Variants in GOLGB1 observed in about 807,000 individuals in gnomAD.
The protein encoded by GOLGB1 is golgin B1, also known as golgin subfamily B member 1.
GOLGB1 carries 174 observed loss-of-function variants against 336.9 expected under a neutral mutation model. That is an observed-to-expected ratio of 0.52 (90% CI 0.46 to 0.59). The LOEUF (loss-of-function observed/expected upper bound fraction) is 0.59, where lower values mean the gene tolerates loss of function less well. GOLGB1 is among the 20% of genes least tolerant of loss of function. The pLI is 0.00. For missense variants in GOLGB1, 3,331 were observed against 3,645.3 expected, an observed-to-expected ratio of 0.91 and a Z score of 2.22; for synonymous variants, 1,208 against 1,289.2, an observed-to-expected ratio of 0.94 and a Z score of 1.35.
At chr3:121,680,289 C>T (rs1940922421) in intron 15 of GOLGB1, among the ~76,000 whole-genome samples, 2 of 152,100 alleles carry the variant, frequency 1.3e-5, no homozygotes, top group Non-Finnish European at 1.5e-5. Flanking sequence ...TCCAAAATGT[C>T]CAGAATGTAA....
intron 11 of GOLGB1, among the ~76,000 whole-genome samples, chr3:121,700,724 T>C (rs1023451488): frequency 5.3e-5 from 8 of 152,018 alleles, no homozygotes; most frequent in Non-Finnish European, 1.2e-4. Context: ...AGAACATTTG[T>C]ACTGCTTTTT....
At chr3:121,746,608 G>A (rs929626459) in intron 1 of GOLGB1, among the ~76,000 whole-genome samples, 2 of 152,096 alleles carry the variant, frequency 1.3e-5, no homozygotes, top group Admixed American at 6.6e-5. Context: ...CTCCCCAGTA[G>A]CTGGGATTAC....
chr3:121,695,792 T>C lies in GOLGB1; in HGVS notation c.4731A>G (p.Leu1577=), dbSNP rs768523553. ...NQSLSSSCES[L]KLALEGLTED... is the part of the protein sequence containing the mutation. The stretch of plus-strand genomic sequence containing the variant: ...CAGTAAGACCCTCTAGAGCTAGTTT[T>C]AGACTTTCACAGGAGCTGCTGAGAC... Residue 1577 remains leucine (L), a synonymous_variant, in exon 13 of 22, where the codon CTA becomes CTG. Coordinates refer to ENST00000614479, the MANE Select transcript of GOLGB1 (RefSeq NM_001366282.2). The C allele has an allele frequency of 5.0e-6, 8 of 1,613,650 alleles. No individual in the cohort carries two copies. Among genetic ancestry groups the C allele is most frequent in the African/African-American group, 1.3e-5 (1 of 74,950 alleles).
chr3:121,728,766 T>C (rs1198163034), intron 4 of GOLGB1, among the ~76,000 whole-genome samples: 3 of 152,192 alleles, frequency 2.0e-5, no homozygotes, highest in Non-Finnish European at 4.4e-5. Flanking sequence ...TATGTGACTA[T>C]ATATGAGGAC....
intron 10 of GOLGB1, among the ~76,000 whole-genome samples, chr3:121,708,732 A>T (rs182360402): frequency 6.6e-6 from 1 of 152,334 alleles, no homozygotes; most frequent in East Asian, 1.9e-4. Flanking sequence ...TACTTAATAG[A>T]GCTGTTTAAA....
rs746649684 is a variant in GOLGB1 at position 121,683,053 on chromosome 3, A to ATTTTTTTTTTTTTTTTTTTT, written c.8695-1208_8695-1189dup. 2.1e-3 allele frequency among the ~76,000 whole-genome samples: 172 copies of ATTTTTTTTTTTTTTTTTTTT among 82,496 alleles called. 20 individuals are homozygous for ATTTTTTTTTTTTTTTTTTTT. Among genetic ancestry groups the ATTTTTTTTTTTTTTTTTTTT allele is most frequent in the Non-Finnish European group, 3.4e-3 (143 of 41,532 alleles). The allele number at this position is 82,496 out of a possible 152,430, so 54.1% of individuals were successfully genotyped here. A position where few individuals can be genotyped will look rare whatever the true frequency, so the allele number is the denominator to read the frequency against. On this transcript the variant is annotated intron_variant, in intron 14 of 21. Coordinates refer to ENST00000614479, the MANE Select transcript of GOLGB1 (RefSeq NM_001366282.2). Reference sequence around the variant, plus strand: ...GCTGCTTAAGAAGCAATTTCTTTTAATTTTTTTTTTTTTTTTTTTTTTTTT... The same window carrying ATTTTTTTTTTTTTTTTTTTT: ...GCTGCTTAAGAAGCAATTTCTTTTAATTTTTTTTTTTTTTTTTTTTTTTTTTTTTTTTTTTTTTTTTTTTT...
chr3:121,745,980 C>A (rs906926894), intron 1 of GOLGB1, among the ~76,000 whole-genome samples: 3 of 152,138 alleles, frequency 2.0e-5, no homozygotes, highest in African/African-American at 7.2e-5. Context: ...TAAAGCATGT[C>A]CCTAGCCACC....
intron 1 of GOLGB1, among the ~76,000 whole-genome samples, chr3:121,736,211 A>T (rs1946455888): frequency 6.6e-6 from 1 of 152,200 alleles, no homozygotes; most frequent in Non-Finnish European, 1.5e-5. Context: ...CCCCCTCTAA[A>T]AATGGAGCTT....
At position 121,697,506 on chromosome 3, in the gene GOLGB1, T is replaced by C. The variant is rs1443142460; in HGVS notation, c.3017A>G (p.Asn1006Ser). ...GACTCTTTGCAGAAGCTCCTTTCTG[T>C]TAATAAGAGCTGCCTGGAGCTTTCT... is the stretch of plus-strand genomic sequence containing the variant. ...RKRKLQAALI[N>S]RKELLQRVSR... Residue 1006 changes from asparagine (N) to serine (S), a missense_variant, in exon 13 of 22, where the codon AAC becomes AGC. By Grantham distance (46) the Asn-to-Ser change is conservative. Transcript: ENST00000614479. The C allele has an allele frequency of 1.2e-6, 2 of 1,612,424 alleles. No individual in the cohort carries two copies. Among genetic ancestry groups the C allele is most frequent in the Admixed American group, 3.3e-5 (2 of 59,718 alleles).
chr3:121,749,931 A>G (rs1947638700), upstream of GOLGB1, among the ~76,000 whole-genome samples: 1 of 152,172 alleles, frequency 6.6e-6, no homozygotes, highest in Non-Finnish European at 1.5e-5. Flanking sequence ...AGAGTGAATG[A>G]GGGGAGTGAT....
chr3:121,713,736 A>G (rs1378934103), intron 10 of GOLGB1, among the ~76,000 whole-genome samples: 2 of 152,190 alleles, frequency 1.3e-5, no homozygotes, highest in Admixed American at 6.5e-5. Flanking sequence ...AAGGAATGGT[A>G]TACTTCAGAT....
chr3:121,721,428 G>C (rs1023869782), intron 6 of GOLGB1, among the ~76,000 whole-genome samples: 26 of 152,170 alleles, frequency 1.7e-4, no homozygotes, highest in Admixed American at 3.3e-4. Flanking sequence ...GGAGTGCAAG[G>C]CCTGCCTGGG....
At position 121,697,189 on chromosome 3, in the gene GOLGB1, GGTTT is replaced by G; in HGVS notation, c.3330_3333del (p.Asn1111LysfsTer2). 6.2e-7 allele frequency: 1 copy of G among 1,613,940 alleles called. No individual in the cohort carries two copies. Among genetic ancestry groups the G allele is most frequent in the East Asian group, 2.2e-5 (1 of 44,866 alleles). On this transcript the variant is annotated frameshift_variant, in exon 13 of 22. Transcript: ENST00000614479. LOFTEE classifies it high-confidence loss of function. ...ATTTCTGCTTGGAGCAAATCTATTT[GGTTT>G]GTTTTATCTTGCAAGGTCTGATTCA...
intron 10 of GOLGB1, among the ~76,000 whole-genome samples, chr3:121,706,639 C>G (rs954697540): frequency 7.3e-6 from 1 of 136,380 alleles, no homozygotes; most frequent in Non-Finnish European, 1.5e-5. Context: ...GAGGCTGAGG[C>G]AGGACAATCA....
intron 20 of GOLGB1, among the ~76,000 whole-genome samples, chr3:121,665,599 G>A (rs1479350942): frequency 6.6e-6 from 1 of 152,206 alleles, no homozygotes; most frequent in Non-Finnish European, 1.5e-5. Flanking sequence ...ACTGCCTTCT[G>A]GCTCAGTTTT....
chr3:121,670,001 T>C (rs548308680), intron 17 of GOLGB1, among the ~76,000 whole-genome samples: 7 of 152,352 alleles, frequency 4.6e-5, no homozygotes, highest in African/African-American at 1.7e-4. Flanking sequence ...GACTAACAGG[T>C]CATCGTTCAG....
intron 1 of GOLGB1, among the ~76,000 whole-genome samples, chr3:121,740,737 GA>G (rs1160817741): frequency 1.3e-5 from 2 of 152,102 alleles, no homozygotes; most frequent in African/African-American, 4.8e-5. Context: ...AAATATTGAA[GA>G]TAAGTAATGT....
intron 1 of GOLGB1, among the ~76,000 whole-genome samples, chr3:121,747,555 G>C (rs1947454368): frequency 6.6e-6 from 1 of 151,614 alleles, no homozygotes; most frequent in South Asian, 2.1e-4. Context: ...AAGGACTGCT[G>C]TGTAGCCATG....
In GOLGB1 at chr3:121,695,504, C is replaced by T. The variant is rs1942858412; in HGVS notation, c.5019G>A (p.Glu1673=). Residue 1673 remains glutamate, a synonymous_variant, in exon 13 of 22, where the codon GAG becomes GAA. Coordinates refer to ENST00000614479, the MANE Select transcript of GOLGB1 (RefSeq NM_001366282.2). ...KETEKQLQEA[E]QEMEEMKEKM... is the part of the protein sequence containing the mutation. The stretch of plus-strand genomic sequence containing the variant: ...TTTCTTTCATTTCCTCCATTTCTTG[C>T]TCAGCTTCCTGCAACTGCTTTTCTG... 6.2e-7 allele frequency: 1 copy of T among 1,613,916 alleles called. No homozygotes were observed. The highest frequency in any genetic ancestry group is 1.3e-5 in the African/African-American group (1 of 74,900).
Sources: gnomAD v4.1 joint callset for allele counts (sites outside exome capture counted in the v4.1 genomes callset) on GRCh38, gnomAD v4.1.1 for gene constraint, MANE v1.5 for transcripts, NCBI Gene and HGNC (gene_info 2026-07-23, HGNC 2026-07-21) for gene names.